PKD2L1: variants seen among roughly 807,000 people sequenced by gnomAD.
The protein encoded by PKD2L1 is polycystin 2 like 1, transient receptor potential cation channel.
PKD2L1 carries 77 observed loss-of-function variants against 93.0 expected under a neutral mutation model. That is an observed-to-expected ratio of 0.83 (90% CI 0.69 to 1.00). The LOEUF (loss-of-function observed/expected upper bound fraction) is 1.00. PKD2L1 is among the 50% of genes least tolerant of loss of function. The pLI, the probability that PKD2L1 is intolerant of heterozygous loss-of-function variation, is 0.00. For missense variants in PKD2L1, 977 were observed against 990.9 expected (o/e 0.99, Z 0.19); for synonymous variants, 390 against 388.0 (o/e 1.01, Z -0.06).
intron 2 of PKD2L1, among the ~76,000 whole-genome samples, chr10:100,303,764 A>G (rs1848739067): frequency 6.6e-6 from 1 of 152,118 alleles, no homozygotes. Flanking sequence ...TTTGGACTCA[A>G]TTTTTCTGGA....
rs1365467664 is a variant in PKD2L1, at chr10:100,293,311, A to G, written c.1728T>C (p.Asp576=). 1 of 1,612,390 alleles carries G rather than the reference A, an allele frequency of 6.2e-7. No individual in the cohort carries two copies. The change falls in exon 10 of 16, where the codon GAT becomes GAC. Residue 576 remains aspartate, a synonymous_variant. Coordinates refer to ENST00000318222, the MANE Select transcript of PKD2L1 (RefSeq NM_016112.3). ...TCAGGAGGTCAGAAAGTTGCAGCTC[A>G]TCCTTCTGTCCAGCCAGCTCCTCCT... The part of the protein sequence containing the change: ...EVKEELAGQK[D]ELQLSDLLKQ...
chr10:100,312,091 A>C (rs1486116731), intron 2 of PKD2L1, among the ~76,000 whole-genome samples: 2 of 152,158 alleles, frequency 1.3e-5, no homozygotes, highest in African/African-American at 4.8e-5. Context: ...CAAATAGTTC[A>C]TGTGTCTTAA....
intron 2 of PKD2L1, among the ~76,000 whole-genome samples, chr10:100,324,398 C>T (rs1849331031): frequency 6.6e-6 from 1 of 152,198 alleles, no homozygotes; most frequent in Admixed American, 6.5e-5. Flanking sequence ...AGTAGTTTCA[C>T]TGCCCTAAAA....
intron 2 of PKD2L1, among the ~76,000 whole-genome samples, chr10:100,309,011 G>A (rs542201365): frequency 6.6e-6 from 1 of 152,190 alleles, no homozygotes; most frequent in African/African-American, 2.4e-5. Flanking sequence ...TCTGTATCAG[G>A]AACCATATGC....
Position 100,298,749 on chromosome 10 carries a change from G to A in PKD2L1, c.544C>T (p.His182Tyr), listed in dbSNP as rs762758133. The change falls in exon 4 of 16, where the codon CAT (histidine) becomes TAT (tyrosine). Residue 182 changes from histidine to tyrosine, a missense_variant. Transcript: ENST00000318222. ...TKWYNNQSLG[H>Y]GSHSFIYYEN... The stretch of plus-strand genomic sequence containing the variant: ...TAGTAGATGAAGGAGTGGGAGCCAT[G>A]GCCCAGGCTCTGGTTGTTGTACCAT... The A allele has an allele frequency of 1.9e-6, 3 of 1,613,942 alleles. No homozygotes were observed. The East Asian group carries it at 6.7e-5, about 36-fold the overall frequency.
At chr10:100,329,153 T>G in intron 2 of PKD2L1, 58 bp downstream of exon 2, 1 of 1,531,434 alleles carries the variant, frequency 6.5e-7, no homozygotes, top group Non-Finnish European at 9.0e-7. Context: ...TTTATACATA[T>G]AGTGCACACA....
intron 2 of PKD2L1, among the ~76,000 whole-genome samples, chr10:100,315,029 G>A (rs1849060382): frequency 9.4e-5 from 1 of 10,670 alleles, no homozygotes; most frequent in African/African-American, 7.1e-4. Context: ...GGGAAGGGAA[G>A]GGAAGGGAAG....
rs759786138 is a variant in PKD2L1 at position 100,297,574 on chromosome 10, C to T, written c.764G>A (p.Gly255Asp). ...WTYHSQDELG[G>D]FSHWGRLTSY... is the part of the protein sequence containing the mutation. The stretch of plus-strand genomic sequence containing the variant: ...TGTGAGCCTGCCCCAGTGGGAGAAG[C>T]CCCCCAACTCATCCTGCGAGTGGTA... The change falls in exon 5 of 16, where the codon GGC becomes GAC. Residue 255 changes from glycine to aspartate, a missense_variant. Coordinates refer to ENST00000318222, the MANE Select transcript of PKD2L1 (RefSeq NM_016112.3). 1 of 1,613,836 alleles carries T rather than the reference C, an allele frequency of 6.2e-7. No individual in the cohort carries two copies. Among genetic ancestry groups the T allele is most frequent in the South Asian group, 1.1e-5 (1 of 91,066 alleles).
At position 100,294,528 on chromosome 10, in the gene PKD2L1, C is replaced by T. The variant is rs183388431; in HGVS notation, c.1659+7G>A. Reference sequence around the variant, plus strand: ...TCTATGTCCCCACCCCTCAGAGAGACCCTCACCAGGAGCACGAAGAAGACG... The same window carrying T: ...TCTATGTCCCCACCCCTCAGAGAGATCCTCACCAGGAGCACGAAGAAGACG... On this transcript the variant is annotated splice_region_variant and intron_variant, in intron 9 of 15. Transcript: ENST00000318222. 6.2e-7 allele frequency: 1 copy of T among 1,614,036 alleles called. No individual in the cohort carries two copies. The highest frequency in any genetic ancestry group is 2.2e-5 in the East Asian group (1 of 44,870).
chr10:100,314,928 C>T (rs1255966426), intron 2 of PKD2L1, among the ~76,000 whole-genome samples: 1 of 143,664 alleles, frequency 7.0e-6, no homozygotes, highest in Non-Finnish European at 1.5e-5. Flanking sequence ...TCAGCTACTC[C>T]AGAGGCTAAG....
intron 12 of PKD2L1, 148 bp downstream of exon 12, chr10:100,291,153 T>C (rs935277414): frequency 3.8e-6 from 3 of 788,084 alleles, no homozygotes; most frequent in Non-Finnish European, 6.1e-6. Flanking sequence ...GGTATTCTAA[T>C]GTGCAGCAGT....
intron 2 of PKD2L1, among the ~76,000 whole-genome samples, chr10:100,314,987 GAAGGAAGGAAGGAAGGAAGGAAGGAA>G (rs1849047939): frequency 2.9e-5 from 1 of 34,074 alleles, no homozygotes; most frequent in Non-Finnish European, 4.5e-5. Flanking sequence ...AGGAAGGAAG[GAAGGAAGGAAGGAAGGAAGGAAGGAA>G]GGGAAGGGAA....
At chr10:100,310,749 G>A (rs534897907) in intron 2 of PKD2L1, among the ~76,000 whole-genome samples, 2 of 152,130 alleles carry the variant, frequency 1.3e-5, no homozygotes, top group African/African-American at 4.8e-5. Context: ...TCACTCTGTC[G>A]CCCAGGCTGG....
intron 2 of PKD2L1, 91 bp downstream of exon 2, chr10:100,329,120 C>A: frequency 7.9e-7 from 1 of 1,260,828 alleles, no homozygotes; most frequent in Non-Finnish European, 1.1e-6. Flanking sequence ...ATGCTCGCTC[C>A]ACAGATGTTG....
chr10:100,329,389 C>T lies in PKD2L1; in HGVS notation c.236-65G>A, dbSNP rs766826889. The T allele has an allele frequency of 3.7e-6, 6 of 1,611,498 alleles. No homozygotes were observed. The South Asian group carries it at 6.6e-5, about 18-fold the overall frequency. On this transcript the variant is annotated intron_variant, in intron 1 of 15. Coordinates refer to ENST00000318222, the MANE Select transcript of PKD2L1 (RefSeq NM_016112.3). The stretch of plus-strand genomic sequence containing the variant: ...AGTGTTCCTCCCAGTCATCCCCACC[C>T]ATCTGTCTCTGGACTTTAGCCCCTT...
In PKD2L1 at chr10:100,296,998, C is replaced by T. The variant is rs370891200; in HGVS notation, c.1167G>A (p.Leu389=). 18 of 1,612,064 alleles carry T rather than the reference C, an allele frequency of 1.1e-5. No homozygotes were observed. The South Asian group carries it at 1.3e-4, about 12-fold the overall frequency. Residue 389 remains leucine, a synonymous_variant, in exon 6 of 16, where the codon CTG becomes CTA. Coordinates refer to ENST00000318222, the MANE Select transcript of PKD2L1 (RefSeq NM_016112.3). The stretch of plus-strand genomic sequence containing the variant: ...CCCTCACCAAGATGACCACCAGGTC[C>T]AGTATGTTCCAGATGCTGCTGAGGT... ...LRYLSSIWNI[L]DLVVILLSIV...
At chr10:100,297,229 G>T in intron 5 of PKD2L1, 21 bp from the exon 6 acceptor site, 3 of 1,603,904 alleles carry the variant, frequency 1.9e-6, no homozygotes, top group South Asian at 2.2e-5. Flanking sequence ...AGGGGGAGAT[G>T]ACCTCCAGTG....
chr10:100,295,027 A>G lies in PKD2L1; in HGVS notation c.1453T>C (p.Phe485Leu). 11 of 1,614,156 alleles carry G rather than the reference A, an allele frequency of 6.8e-6. No individual in the cohort carries two copies. Among genetic ancestry groups the G allele is most frequent in the Non-Finnish European group, 9.3e-6 (11 of 1,180,016 alleles). Residue 485 changes from phenylalanine (F) to leucine (L), a missense_variant, in exon 8 of 16, where the codon TTC becomes CTC. Transcript: ENST00000318222. ...KDILGFAVMF[F>L]IVFFAYAQLG... The stretch of plus-strand genomic sequence containing the variant: ...TGGGCATAGGCGAAGAAAACAATGA[A>G]GAACATGACGGCGAAGCCCAGGATG...
rs776591270 is a variant in PKD2L1, at chr10:100,299,626, A to G, written c.442T>C (p.Phe148Leu). 1 of 1,613,792 alleles carries G rather than the reference A, an allele frequency of 6.2e-7. No homozygotes were observed. The highest frequency in any genetic ancestry group is 8.5e-7 in the Non-Finnish European group (1 of 1,179,620). The change falls in exon 3 of 16, where the codon TTT becomes CTT. Residue 148 changes from phenylalanine to leucine, a missense_variant. Transcript: ENST00000318222. ...TCCGCCATGCTGCTGATGGCCTGAAAGGAGACTCCAGTGTCTGATGGAGTA... is the reference window on the plus strand; with the variant it reads ...TCCGCCATGCTGCTGATGGCCTGAAGGGAGACTCCAGTGTCTGATGGAGTA... Reference protein sequence around the residue: ...LHTPSDTGVSFQAISSMADFW... With the variant: ...LHTPSDTGVSLQAISSMADFW...
Sources: gnomAD v4.1 joint callset for allele counts (sites outside exome capture counted in the v4.1 genomes callset) on GRCh38, gnomAD v4.1.1 for gene constraint, MANE v1.5 for transcripts, NCBI Gene and HGNC (gene_info 2026-07-23, HGNC 2026-07-21) for gene names.